Variants in KBTBD3 observed in about 807,000 individuals in gnomAD.
The protein encoded by KBTBD3 is kelch repeat and BTB domain-containing protein 3.
KBTBD3 carries 38 observed loss-of-function variants against 49.6 expected under a neutral mutation model. The ratio of observed to expected loss-of-function variants is 0.77; its 90% CI spans 0.59 to 1.00. The LOEUF (loss-of-function observed/expected upper bound fraction) is 1.00, where lower values mean the gene tolerates loss of function less well. Among genes scored for constraint, KBTBD3 ranks in the 50% least tolerant of loss-of-function variants. The pLI is 0.00. For synonymous variants in KBTBD3, 214 were observed against 250.4 expected, an observed-to-expected ratio of 0.85 and a Z score of 1.37; for missense variants, 661 against 712.0, an observed-to-expected ratio of 0.93 and a Z score of 0.81.
At chr11:106,066,585 T>C (rs895825477) in intron 2 of KBTBD3, among the ~76,000 whole-genome samples, 2 of 152,128 alleles carry the variant, frequency 1.3e-5, no homozygotes, top group Non-Finnish European at 2.9e-5. Context: ...ACTATAAATG[T>C]ACTTGTCAAA....
chr11:106,074,087 T>C (rs968685127), intron 2 of KBTBD3, among the ~76,000 whole-genome samples: 1 of 148,960 alleles, frequency 6.7e-6, no homozygotes, highest in African/African-American at 2.4e-5. Context: ...TCCTCTACCC[T>C]GGAGTCTACT....
intron 3 of KBTBD3, chr11:106,057,466 C>T (rs925592373): frequency 6.6e-6 from 1 of 152,150 alleles, no homozygotes; most frequent in South Asian, 2.1e-4. Context: ...ACTAGGAAGG[C>T]TGAAGATCAG....
At chr11:106,059,421 T>C (rs1860635814) in intron 2 of KBTBD3, among the ~76,000 whole-genome samples, 1 of 152,224 alleles carries the variant, frequency 6.6e-6, no homozygotes, top group African/African-American at 2.4e-5. Flanking sequence ...ACATGATTAA[T>C]ATTATTACTA....
At chr11:106,071,992 C>A in intron 2 of KBTBD3, among the ~76,000 whole-genome samples, 2 of 152,210 alleles carry the variant, frequency 1.3e-5, no homozygotes, top group Middle Eastern at 3.4e-3. Flanking sequence ...TCTTCAAATT[C>A]AATTATGCTA....
intron 2 of KBTBD3, among the ~76,000 whole-genome samples, chr11:106,065,642 C>A (rs1230600968): frequency 6.6e-6 from 1 of 152,010 alleles, no homozygotes; most frequent in Non-Finnish European, 1.5e-5. Flanking sequence ...ATAATGGGCA[C>A]AATTTATAGA....
intron 2 of KBTBD3, among the ~76,000 whole-genome samples, chr11:106,073,428 CTT>C (rs1860963503): frequency 6.6e-6 from 1 of 151,718 alleles, no homozygotes; most frequent in Admixed American, 6.6e-5. Flanking sequence ...TACACATACT[CTT>C]TTAATCTTCA....
intron 1 of KBTBD3, among the ~76,000 whole-genome samples, chr11:106,077,022 G>A (rs1424205152): frequency 6.6e-6 from 1 of 152,298 alleles, no homozygotes; most frequent in African/African-American, 2.4e-5. Context: ...CCTTCGGAGG[G>A]AGGGTTTCAG....
intron 2 of KBTBD3, 147 bp downstream of exon 2, chr11:106,076,360 T>C (rs1279949144): frequency 6.6e-6 from 1 of 152,234 alleles, no homozygotes; most frequent in African/African-American, 2.4e-5. Flanking sequence ...TGTGTGTGTG[T>C]GTGCTCAGAA....
Position 106,061,514 on chromosome 11 carries a change from A to C in KBTBD3, c.-12-2405T>G, listed in dbSNP as rs80289438. ...TATGTCTGTGAGAGTGTTCTAGATG[A>C]GATTAACATTTGAATTGGTACACTG... is the stretch of plus-strand genomic sequence containing the variant. On this transcript the variant is annotated intron_variant, in intron 2 of 3. Transcript: ENST00000531837. Among the ~76,000 whole-genome samples the C allele has an allele frequency of 4.7e-3, 720 of 152,250 alleles. 8 individuals are homozygous for C. Among genetic ancestry groups the C allele is most frequent in the African/African-American group, 0.017 (695 of 41,550 alleles).
chr11:106,062,039 A>ATG (rs1860710221), intron 2 of KBTBD3, among the ~76,000 whole-genome samples: 1 of 151,644 alleles, frequency 6.6e-6, no homozygotes, highest in Non-Finnish European at 1.5e-5. Flanking sequence ...GCCTGTGTGA[A>ATG]TGTGTGTGTG....
chr11:106,054,666 T>C (rs1446332474), intron 3 of KBTBD3, among the ~76,000 whole-genome samples: 1 of 151,798 alleles, frequency 6.6e-6, no homozygotes, highest in Non-Finnish European at 1.5e-5. Context: ...TACAAAAATG[T>C]ACATTACAGC....
chr11:106,072,363 T>C (rs938582253), intron 2 of KBTBD3, among the ~76,000 whole-genome samples: 1 of 152,196 alleles, frequency 6.6e-6, no homozygotes, highest in African/African-American at 2.4e-5. Flanking sequence ...GGGTGTTATA[T>C]GATTTTTTTA....
rs549881005 is a variant in KBTBD3 at position 106,053,004 on chromosome 11, G to A, written c.1685C>T (p.Pro562Leu). The change falls in exon 4 of 4, where the codon CCA (proline) becomes CTA (leucine). Residue 562 changes from proline (P) to leucine (L), a missense_variant. Pro to Leu is a moderately conservative substitution (Grantham distance 98, BLOSUM62 -3). Transcript: ENST00000531837. Reference sequence around the variant, plus strand: ...CTGCACTTCATCTGTGATTTCATCTGGTGCATAATCACCACCTAATATATA... The same window carrying A: ...CTGCACTTCATCTGTGATTTCATCTAGTGCATAATCACCACCTAATATATA... ...KIYILGGDYA[P>L]DEITDEVQVY... The A allele has an allele frequency of 1.2e-6, 2 of 1,613,638 alleles. No homozygotes were observed. The highest frequency in any genetic ancestry group is 1.7e-5 in the Admixed American group (1 of 59,940).
intron 2 of KBTBD3, among the ~76,000 whole-genome samples, chr11:106,071,170 G>T (rs1860910507): frequency 6.6e-6 from 1 of 152,010 alleles, no homozygotes; most frequent in African/African-American, 2.4e-5. Flanking sequence ...CATAGAAAAT[G>T]CAAATAAAAC....
At chr11:106,059,350 T>C (rs1860634272) in intron 2 of KBTBD3, among the ~76,000 whole-genome samples, 1 of 152,238 alleles carries the variant, frequency 6.6e-6, no homozygotes, top group South Asian at 2.1e-4. Flanking sequence ...TTGAAGGCTA[T>C]ATAATTGTGT....
At chr11:106,076,985 C>G (rs1861043592) in intron 1 of KBTBD3, among the ~76,000 whole-genome samples, 1 of 152,150 alleles carries the variant, frequency 6.6e-6, no homozygotes, top group African/African-American at 2.4e-5. Flanking sequence ...GTCAGTGTTG[C>G]GCACTGGGGA....
Position 106,074,146 on chromosome 11 carries a change from A to G in KBTBD3, c.-13+2361T>C, listed in dbSNP as rs1003889970. ...CACACACATACCCCTTCCTTCTCATACATTAAGAGCTTCTCCCACCCTACT... is the reference window on the plus strand; with the variant it reads ...CACACACATACCCCTTCCTTCTCATGCATTAAGAGCTTCTCCCACCCTACT... On this transcript the variant is annotated intron_variant, in intron 2 of 3. Coordinates refer to ENST00000531837, the MANE Select transcript of KBTBD3 (RefSeq NM_198439.3). Among the ~76,000 whole-genome samples, 120 of 143,404 alleles carry G rather than the reference A, an allele frequency of 8.4e-4. 1 individual carries two copies. Among genetic ancestry groups the G allele is most frequent in the African/African-American group, 2.9e-3 (116 of 39,712 alleles). The allele number at this position is 143,404 out of a possible 152,430, so 94.1% of individuals were successfully genotyped here. A position where few individuals can be genotyped will look rare whatever the true frequency, so the allele number is the denominator to read the frequency against.
chr11:106,074,065 A>T (rs1239765837), intron 2 of KBTBD3, among the ~76,000 whole-genome samples: 1 of 152,008 alleles, frequency 6.6e-6, no homozygotes, highest in African/African-American at 2.4e-5. Context: ...GCGAAAAACA[A>T]CATAGACAAG....
In KBTBD3 at chr11:106,053,376, C is replaced by T; in HGVS notation, c.1313G>A (p.Ser438Asn). 1 of 1,613,236 alleles carries T rather than the reference C, an allele frequency of 6.2e-7. No individual in the cohort carries two copies. The highest frequency in any genetic ancestry group is 1.1e-5 in the South Asian group (1 of 91,056). Residue 438 changes from serine (S) to asparagine (N), a missense_variant, in exon 4 of 4, where the codon AGC becomes AAC. Coordinates refer to ENST00000531837, the MANE Select transcript of KBTBD3 (RefSeq NM_198439.3). ...ATAGTATATGCCTCTGGGTAATGGG[C>T]TAACAGATATCCATTCTTTGGAAAG... is the stretch of plus-strand genomic sequence containing the variant. ...NPLSKEWISV[S>N]PLPRGIYYPE...
Sources: allele counts gnomAD v4.1 joint callset (sites outside exome capture counted in the v4.1 genomes callset), GRCh38; gene constraint gnomAD v4.1.1; transcripts MANE v1.5; gene names NCBI Gene and HGNC (gene_info 2026-07-23, HGNC 2026-07-21).